The following PPME1 variants were observed in gnomAD, a reference collection of about 807,000 sequenced individuals.
The protein encoded by PPME1 is protein phosphatase methylesterase 1.
Under a neutral mutation model 56.9 loss-of-function variants are expected in PPME1, and 17 were observed. That is an observed-to-expected ratio of 0.30 (90% CI 0.20 to 0.45). The LOEUF is 0.45. Among genes scored for constraint, PPME1 ranks in the 20% least tolerant of loss-of-function variants. PPME1 has a pLI of 1.00. For missense variants in PPME1, 357 were observed against 483.2 expected (o/e 0.74, Z 2.45); for synonymous variants, 122 against 156.2 (o/e 0.78, Z 1.63).
intron 3 of PPME1, among the ~76,000 whole-genome samples, chr11:74,222,054 G>A (rs1858813886): frequency 6.6e-6 from 1 of 152,174 alleles, no homozygotes; most frequent in Non-Finnish European, 1.5e-5. Flanking sequence ...TGTGTGTCAA[G>A]AAAGGATAGG....
At chr11:74,218,407 A>G (rs544175016) in intron 3 of PPME1, among the ~76,000 whole-genome samples, 29 of 152,242 alleles carry the variant, frequency 1.9e-4, no homozygotes, top group Admixed American at 1.6e-3. Context: ...CAATTGTGAA[A>G]TTTCTATAGA....
chr11:74,239,901 C>T (rs1261988585), intron 9 of PPME1, among the ~76,000 whole-genome samples: 1 of 151,898 alleles, frequency 6.6e-6, no homozygotes, highest in African/African-American at 2.4e-5. Context: ...AGATTTTACC[C>T]TGTCCATCTG....
chr11:74,181,482 A>G (rs996191959), intron 1 of PPME1, among the ~76,000 whole-genome samples: 8 of 152,146 alleles, frequency 5.3e-5, no homozygotes, highest in African/African-American at 1.9e-4. Flanking sequence ...TTGCATTGGT[A>G]TTGTACTTTT....
intron 2 of PPME1, 38 bp downstream of exon 2, chr11:74,203,859 A>G: frequency 1.4e-6 from 2 of 1,431,594 alleles, no homozygotes; most frequent in Non-Finnish European, 1.9e-6. Context: ...TAGTGAGCTT[A>G]TGATGTTGTC....
At position 74,203,761 on chromosome 11, in the gene PPME1, T is replaced by C. The variant is rs367958516; in HGVS notation, c.135T>C (p.Pro45=). 15 of 1,612,524 alleles carry C rather than the reference T, an allele frequency of 9.3e-6. No individual in the cohort carries two copies. The highest frequency in any genetic ancestry group is 1.3e-5 in the Non-Finnish European group (15 of 1,179,144). The part of the protein sequence containing the change: ...PGRKRDFSPV[P]WSQYFESMED... ...GAAAGCGGGACTTTTCCCCTGTTCC[T>C]TGGAGTCAGTATTTTGAGTCCATGG... is the stretch of plus-strand genomic sequence containing the variant. Residue 45 remains proline (P), a synonymous_variant, in exon 2 of 14, where the codon CCT becomes CCC. Transcript: ENST00000328257.
chr11:74,214,985 A>C (rs1858590110), intron 3 of PPME1, among the ~76,000 whole-genome samples: 1 of 152,232 alleles, frequency 6.6e-6, no homozygotes, highest in Non-Finnish European at 1.5e-5. Flanking sequence ...AAGAGGAACC[A>C]ATCAAAAATA....
chr11:74,191,895 A>G (rs2135604255), intron 1 of PPME1, among the ~76,000 whole-genome samples: 1 of 152,346 alleles, frequency 6.6e-6, no homozygotes, highest in African/African-American at 2.4e-5. Context: ...CCCTGCAGAG[A>G]AACTTTGCTA....
At position 74,230,248 on chromosome 11, in the gene PPME1, C is replaced by T. The variant is rs41408049; in HGVS notation, c.402C>T (p.Asp134=). ...TCTTTTTCTCTTCTCTTTGCAGAGA[C>T]GTTGGCAATGTGGTTGAAGCCATGT... The part of the protein sequence containing the change: ...EDLSAETMAK[D]VGNVVEAMYG... Residue 134 remains aspartate, a synonymous_variant, in exon 6 of 14, where the codon GAC becomes GAT. Transcript: ENST00000328257. This position sits in a 1 kb window ranked among gnomAD's most constrained non-coding sequence, Gnocchi z 4.9. 1.8e-3 allele frequency: 2,965 copies of T among 1,603,590 alleles called. 45 individuals carry two copies. The African/African-American group carries it at 0.034, about 19-fold the overall frequency.
intron 1 of PPME1, among the ~76,000 whole-genome samples, chr11:74,172,373 T>C (rs1020373487): frequency 6.6e-5 from 10 of 152,156 alleles, no homozygotes; most frequent in African/African-American, 2.4e-4. Flanking sequence ...TGACTATAAA[T>C]ACGGTTTGGT....
At chr11:74,211,411 A>T (rs1858471981) in intron 3 of PPME1, among the ~76,000 whole-genome samples, 1 of 152,230 alleles carries the variant, frequency 6.6e-6, no homozygotes, top group African/African-American at 2.4e-5. Context: ...ATCAGTTAAT[A>T]GTATGGTATT....
chr11:74,203,895 T>C, intron 2 of PPME1, 74 bp downstream of exon 2: 4 of 1,102,044 alleles, frequency 3.6e-6, no homozygotes, highest in Non-Finnish European at 3.9e-6. Context: ...GTGTAGTTTC[T>C]AAAATGTTCT....
At chr11:74,239,958 ATTT>A (rs760748505) in intron 9 of PPME1, among the ~76,000 whole-genome samples, 1 of 89,916 alleles carries the variant, frequency 1.1e-5, no homozygotes, top group Non-Finnish European at 2.4e-5. Context: ...TTTTCTTTCC[ATTT>A]TTTTTTTTTT....
At chr11:74,208,201 A>G (rs559597836) in intron 3 of PPME1, among the ~76,000 whole-genome samples, 1 of 152,210 alleles carries the variant, frequency 6.6e-6, no homozygotes, top group East Asian at 1.9e-4. Flanking sequence ...AGTCCCAGCT[A>G]CTAGGGAAGC....
intron 3 of PPME1, among the ~76,000 whole-genome samples, chr11:74,209,492 CA>C (rs1858417122): frequency 6.6e-6 from 1 of 152,168 alleles, no homozygotes; most frequent in Admixed American, 6.5e-5. Context: ...GTATGGAAAG[CA>C]TGTTTTGCTT....
chr11:74,206,419 A>G (rs767567589), intron 3 of PPME1, among the ~76,000 whole-genome samples: 1 of 152,222 alleles, frequency 6.6e-6, no homozygotes, highest in Non-Finnish European at 1.5e-5. Flanking sequence ...GGATCTGACA[A>G]GTTTGGCAAA....
rs567976005 is a variant in PPME1 at position 74,238,508 on chromosome 11, G to T, written c.711-625G>T. 52 of 152,194 alleles carry T rather than the reference G, an allele frequency of 3.4e-4. 1 individual carries two copies. The highest frequency in any genetic ancestry group is 2.9e-3 in the Admixed American group (45 of 15,288). 9.4% of individuals were successfully genotyped at this position (152,194 alleles called of 1,614,324 possible). On this transcript the variant is annotated intron_variant, in intron 8 of 13. Transcript: ENST00000328257. ...TTTTACCTTCAGAGCTTGTCAATGT[G>T]TTTTTTCCATCAAGTTCTCTCTAAA...
At chr11:74,196,740 A>G (rs1020772795) in intron 1 of PPME1, among the ~76,000 whole-genome samples, 4 of 152,204 alleles carry the variant, frequency 2.6e-5, no homozygotes, top group Non-Finnish European at 5.9e-5. Context: ...TAATGCTTGT[A>G]TATATGGGGA....
At chr11:74,203,488 TAAATC>T (rs1288686137) in intron 1 of PPME1, among the ~76,000 whole-genome samples, 1 of 152,228 alleles carries the variant, frequency 6.6e-6, no homozygotes, top group East Asian at 1.9e-4. Context: ...TTTTTACTCT[TAAATC>T]TATGTTTGGA....
chr11:74,172,207 T>C (rs530752271), intron 1 of PPME1, among the ~76,000 whole-genome samples: 34 of 151,784 alleles, frequency 2.2e-4, no homozygotes, highest in Non-Finnish European at 4.0e-4. Flanking sequence ...TTAAGGGTAG[T>C]AGGAATGTGC....
Sources: allele counts gnomAD v4.1 joint callset (sites outside exome capture counted in the v4.1 genomes callset), GRCh38; gene constraint gnomAD v4.1.1; non-coding constraint Gnocchi (gnomAD v3.1); transcripts MANE v1.5; gene names NCBI Gene and HGNC (gene_info 2026-07-23, HGNC 2026-07-21).